The following SDCBP variants were observed in gnomAD, a reference collection of about 807,000 sequenced individuals.
SDCBP encodes syntenin-1.
In SDCBP, 22 loss-of-function variants were observed where a neutral mutation model predicts 30.5. That is an observed-to-expected ratio of 0.72 (90% CI 0.52 to 1.03). SDCBP has a LOEUF of 1.03. Among genes scored for constraint, SDCBP ranks in the 50% least tolerant of loss-of-function variants. The pLI is 0.00. For synonymous variants in SDCBP, 103 were observed against 118.7 expected (o/e 0.87, Z 0.86); for missense variants, 304 against 369.9 (o/e 0.82, Z 1.46).
At chr8:58,561,632 A>C in intron 1 of SDCBP, 5 of 486,290 alleles carry the variant, frequency 1.0e-5, no homozygotes, top group Non-Finnish European at 1.8e-5. Context: ...AAAGTAAAAG[A>C]GAAATAAGAT....
chr8:58,560,377 C>T (rs1804371798), intron 1 of SDCBP: 1 of 152,234 alleles, frequency 6.6e-6, no homozygotes, highest in African/African-American at 2.4e-5. Flanking sequence ...GCAGCTTGTC[C>T]CTACGTGTGG....
chr8:58,573,277 G>T lies in SDCBP; in HGVS notation c.240+963G>T, dbSNP rs567169608. Among the ~76,000 whole-genome samples, 11 of 152,210 alleles carry T rather than the reference G, an allele frequency of 7.2e-5. No homozygotes were observed. In the South Asian group the frequency reaches 1.5e-3, roughly 20 times the overall value. On this transcript the variant is annotated intron_variant, in intron 4 of 8. Coordinates refer to ENST00000260130, the MANE Select transcript of SDCBP (RefSeq NM_005625.4). ...TTGTAGTTAAATCTGTGTCTGTCTTGTTGCCATATCCCAATGCATATACAG... is the reference window on the plus strand; with the variant it reads ...TTGTAGTTAAATCTGTGTCTGTCTTTTTGCCATATCCCAATGCATATACAG...
rs750444817 is a variant in SDCBP, at chr8:58,565,000, ACTTT to A, written c.-15-14_-15-11del. The A allele has an allele frequency of 1.2e-4, 177 of 1,472,422 alleles. 1 individual carries two copies. The highest frequency in any genetic ancestry group is 5.3e-4 in the Admixed American group (30 of 56,282). The allele number at this position is 1,472,422 out of a possible 1,614,324, so 91.2% of individuals were successfully genotyped here. A position where few individuals can be genotyped will look rare whatever the true frequency, so the allele number is the denominator to read the frequency against. On this transcript the variant is annotated splice_polypyrimidine_tract_variant and intron_variant, in intron 1 of 8. Coordinates refer to ENST00000260130, the MANE Select transcript of SDCBP (RefSeq NM_005625.4). ...ATTTCTATGACATTAGAGTAATAAA[ACTTT>A]CTTTTTTTCTTTAGAAGAATCCTGC... is the stretch of plus-strand genomic sequence containing the variant.
At chr8:58,575,811 C>A in intron 4 of SDCBP, 89 bp from the exon 5 acceptor site, 2 of 1,229,734 alleles carry the variant, frequency 1.6e-6, no homozygotes, top group Non-Finnish European at 1.1e-6. Flanking sequence ...TTTTGGAAAG[C>A]CAAAACTGAG....
At position 58,571,809 on chromosome 8, in the gene SDCBP, G is replaced by A. The variant is rs753509619; in HGVS notation, c.131-396G>A. Among the ~76,000 whole-genome samples the A allele has an allele frequency of 3.9e-5, 6 of 152,260 alleles. No individual in the cohort carries two copies. In the South Asian group the frequency reaches 8.3e-4, roughly 21 times the overall value. The stretch of plus-strand genomic sequence containing the variant: ...CCCTGTTTACAGAATGAGTTATAAA[G>A]TAGCTGACTTGACAAATAGATATTT... On this transcript the variant is annotated intron_variant, in intron 3 of 8. Transcript: ENST00000260130.
chr8:58,568,079 T>C (rs1469636771), intron 2 of SDCBP, among the ~76,000 whole-genome samples: 1 of 152,188 alleles, frequency 6.6e-6, no homozygotes, highest in Non-Finnish European at 1.5e-5. Flanking sequence ...AAATTTTTCT[T>C]TCTCGAATTA....
intron 1 of SDCBP, among the ~76,000 whole-genome samples, chr8:58,557,295 T>G (rs1379280922): frequency 1.5e-5 from 2 of 131,582 alleles, no homozygotes. Flanking sequence ...TATATTTAGA[T>G]ATTTATATTT....
chr8:58,581,698 CATT>C lies in SDCBP; in HGVS notation c.858_860del (p.Ile286del). On this transcript the variant is annotated inframe_deletion, in exon 9 of 9. Coordinates refer to ENST00000260130, the MANE Select transcript of SDCBP (RefSeq NM_005625.4). Reference sequence around the variant, plus strand: ...ACCTCTCTTGTAGGATGGCACCAAGCATTATGAAAAGCCTAATGGACCACACCA... The same window carrying C: ...ACCTCTCTTGTAGGATGGCACCAAGCATGAAAAGCCTAATGGACCACACCA... The C allele has an allele frequency of 6.2e-7, 1 of 1,612,184 alleles. No individual in the cohort carries two copies.
At chr8:58,572,823 T>TTC (rs1805102619) in intron 4 of SDCBP, among the ~76,000 whole-genome samples, 1 of 147,260 alleles carries the variant, frequency 6.8e-6, no homozygotes, top group Non-Finnish European at 1.5e-5. Context: ...TTTTTTTTTT[T>TTC]TGAGGCATAG....
At chr8:58,571,052 G>A in intron 3 of SDCBP, 87 bp downstream of exon 3, 1 of 931,592 alleles carries the variant, frequency 1.1e-6, no homozygotes, top group South Asian at 1.8e-5. Context: ...ATTTTTTTTT[G>A]GACAGGCTGC....
intron 2 of SDCBP, among the ~76,000 whole-genome samples, chr8:58,566,842 A>C (rs544450368): frequency 6.6e-6 from 1 of 152,186 alleles, no homozygotes; most frequent in African/African-American, 2.4e-5. Flanking sequence ...CCAACCATTC[A>C]TATTTTGTAA....
At chr8:58,556,923 A>G (rs1042102324) in intron 1 of SDCBP, among the ~76,000 whole-genome samples, 1 of 134,392 alleles carries the variant, frequency 7.4e-6, no homozygotes, top group Admixed American at 7.8e-5. Context: ...TTCTAATTAT[A>G]TATAATATAT....
At chr8:58,578,646 C>T (rs1258518800) in intron 6 of SDCBP, among the ~76,000 whole-genome samples, 1 of 152,142 alleles carries the variant, frequency 6.6e-6, no homozygotes, top group East Asian at 1.9e-4. Flanking sequence ...TTTTCAAGAA[C>T]ATGGAATATT....
chr8:58,580,306 T>G (rs1030180941), intron 7 of SDCBP, among the ~76,000 whole-genome samples: 6 of 151,306 alleles, frequency 4.0e-5, no homozygotes, highest in African/African-American at 7.3e-5. Context: ...AAAGGAAAAG[T>G]TTTTTTTTGG....
At chr8:58,561,555 T>C (rs1369041514) in intron 1 of SDCBP, 1 of 412,700 alleles carries the variant, frequency 2.4e-6, no homozygotes, top group Non-Finnish European at 4.4e-6. Context: ...AGAAGTGGGA[T>C]GATATAGTCA....
At chr8:58,577,183 G>A (rs1350957068) in intron 5 of SDCBP, among the ~76,000 whole-genome samples, 2 of 152,222 alleles carry the variant, frequency 1.3e-5, no homozygotes, top group Non-Finnish European at 2.9e-5. Context: ...AAGGGCATTT[G>A]TTCATTTATG....
chr8:58,557,438 A>G (rs1174253357), intron 1 of SDCBP, among the ~76,000 whole-genome samples: 1 of 135,432 alleles, frequency 7.4e-6, no homozygotes, highest in Non-Finnish European at 1.5e-5. Flanking sequence ...TATATATAAT[A>G]CATATAATAC....
chr8:58,557,428 T>A (rs1804204302), intron 1 of SDCBP, among the ~76,000 whole-genome samples: 1 of 143,622 alleles, frequency 7.0e-6, no homozygotes, highest in African/African-American at 2.5e-5. Context: ...TAATATATAT[T>A]ATATATAATA....
intron 7 of SDCBP, chr8:58,580,091 A>G (rs992599548): frequency 3.3e-6 from 1 of 304,826 alleles, no homozygotes; most frequent in African/African-American, 2.2e-5. Context: ...TCAATCCAGG[A>G]ATATAAGGAA....
Sources: gnomAD v4.1 joint callset for allele counts (sites outside exome capture counted in the v4.1 genomes callset) on GRCh38, gnomAD v4.1.1 for gene constraint, MANE v1.5 for transcripts, NCBI Gene and HGNC (gene_info 2026-07-23, HGNC 2026-07-21) for gene names.